EXOC4: variants seen among roughly 807,000 people sequenced by gnomAD.
The protein encoded by EXOC4 is exocyst complex component 4.
In EXOC4, 71 loss-of-function variants were observed where a neutral mutation model predicts 107.2. The observed-to-expected ratio is 0.66, with a 90% confidence interval of 0.55 to 0.81. The LOEUF is 0.81. Ranked by LOEUF, EXOC4 falls within the 30% of genes least tolerant of loss-of-function variation. EXOC4 has a pLI of 0.00. For synonymous variants in EXOC4, 456 were observed against 441.2 expected (o/e 1.03, Z -0.42); for missense variants, 1,108 against 1,189.6 (o/e 0.93, Z 1.01).
chr7:133,849,050 C>T (rs574832088), intron 11 of EXOC4, among the ~76,000 whole-genome samples: 1 of 152,148 alleles, frequency 6.6e-6, no homozygotes, highest in African/African-American at 2.4e-5. Context: ...TAACCTGAAG[C>T]CTTGAGACTC....
rs1030733285 is a variant in EXOC4, at chr7:133,330,290, C to T, written c.763+12900C>T. ...CCTCCCCCCACCAAGCTCAAGTGTC[C>T]CAGGTCAATCTCAGACTGCTGCTAT... On this transcript the variant is annotated intron_variant, in intron 5 of 17. Transcript: ENST00000253861. Among the ~76,000 whole-genome samples the T allele has an allele frequency of 4.5e-4, 69 of 152,052 alleles. 1 individual carries two copies. The highest frequency in any genetic ancestry group is 5.7e-4 in the Non-Finnish European group (39 of 68,004).
At chr7:133,906,135 A>G (rs1799560358) in intron 12 of EXOC4, among the ~76,000 whole-genome samples, 1 of 152,174 alleles carries the variant, frequency 6.6e-6, no homozygotes, top group South Asian at 2.1e-4. Context: ...GTGGTGTTTT[A>G]TGATCTCACT....
At chr7:133,919,612 G>A (rs1355007930) in intron 13 of EXOC4, among the ~76,000 whole-genome samples, 1 of 152,116 alleles carries the variant, frequency 6.6e-6, no homozygotes, top group Non-Finnish European at 1.5e-5. Flanking sequence ...TTTGCAGAAT[G>A]TTATATACTT....
Position 133,355,350 on chromosome 7 carries a change from A to G in EXOC4, c.764-980A>G, listed in dbSNP as rs557291634. 4.6e-5 allele frequency among the ~76,000 whole-genome samples: 7 copies of G among 152,220 alleles called. No individual in the cohort carries two copies. In the East Asian group the frequency reaches 5.8e-4, roughly 13 times the overall value. On this transcript the variant is annotated intron_variant, in intron 5 of 17. Coordinates refer to ENST00000253861, the MANE Select transcript of EXOC4 (RefSeq NM_021807.4). ...GCTCTGTACTCACTTTTGCTTTTGT[A>G]TATCTTAATCCAGCCATTTGTAAAA... is the stretch of plus-strand genomic sequence containing the variant.
At chr7:133,483,312 G>A (rs532772802) in intron 9 of EXOC4, among the ~76,000 whole-genome samples, 89 of 152,296 alleles carry the variant, frequency 5.8e-4, no homozygotes, top group Middle Eastern at 3.4e-3. Context: ...TGAAGGCAAA[G>A]TAGAGGGTAT....
chr7:133,859,557 G>A (rs540375211), intron 11 of EXOC4, among the ~76,000 whole-genome samples: 8 of 152,158 alleles, frequency 5.3e-5, no homozygotes, highest in African/African-American at 1.9e-4. Context: ...GTTTATTCAC[G>A]GAATAGTGGT....
intron 7 of EXOC4, among the ~76,000 whole-genome samples, chr7:133,456,889 T>G (rs1020681915): frequency 6.6e-6 from 1 of 152,124 alleles, no homozygotes; most frequent in Non-Finnish European, 1.5e-5. Flanking sequence ...AGATAACACT[T>G]CAGGATAATT....
chr7:133,671,730 T>C (rs1406907935), intron 10 of EXOC4, among the ~76,000 whole-genome samples: 1 of 152,024 alleles, frequency 6.6e-6, no homozygotes, highest in Non-Finnish European at 1.5e-5. Context: ...GGATGAAGTG[T>C]GAAGATTTGC....
chr7:134,040,495 G>A (rs185991865), intron 17 of EXOC4, among the ~76,000 whole-genome samples: 12 of 152,168 alleles, frequency 7.9e-5, no homozygotes, highest in African/African-American at 2.9e-4. Flanking sequence ...GACTGCTCCA[G>A]TTGACCCTCA....
intron 9 of EXOC4, among the ~76,000 whole-genome samples, chr7:133,594,454 A>G (rs1585020109): frequency 7.2e-6 from 1 of 138,832 alleles, no homozygotes; most frequent in African/African-American, 2.6e-5. Context: ...TACATTTGTT[A>G]TGGAGAGTTG....
At chr7:133,361,043 C>T (rs1275147718) in intron 6 of EXOC4, among the ~76,000 whole-genome samples, 2 of 152,120 alleles carry the variant, frequency 1.3e-5, no homozygotes, top group Non-Finnish European at 2.9e-5. Context: ...TAGCACAGTG[C>T]CCACCTGACC....
chr7:133,388,426 G>C (rs1011058462), intron 7 of EXOC4, among the ~76,000 whole-genome samples: 18 of 152,284 alleles, frequency 1.2e-4, no homozygotes, highest in African/African-American at 4.3e-4. Context: ...GGGGTGGGCA[G>C]ATCACTTGAG....
chr7:133,395,018 A>C (rs1174663786), intron 7 of EXOC4, among the ~76,000 whole-genome samples: 1 of 151,944 alleles, frequency 6.6e-6, no homozygotes, highest in East Asian at 1.9e-4. Flanking sequence ...CAATTTGAAG[A>C]TCACCAGGTA....
chr7:133,353,046 A>T (rs2633389), intron 5 of EXOC4, among the ~76,000 whole-genome samples: 101,212 of 151,988 alleles, frequency 0.67, 35,614 homozygotes, highest in East Asian at 0.85. Context: ...TAAATGATGT[A>T]AAAAACAAAA....
intron 11 of EXOC4, among the ~76,000 whole-genome samples, chr7:133,872,682 T>C (rs780150044): frequency 1.4e-4 from 21 of 152,236 alleles, no homozygotes; most frequent in Non-Finnish European, 2.1e-4. Flanking sequence ...GTGAGCTCTA[T>C]TGTTTTCAGT....
chr7:133,726,637 C>T (rs1012585723), intron 10 of EXOC4, among the ~76,000 whole-genome samples: 2 of 152,172 alleles, frequency 1.3e-5, no homozygotes, highest in African/African-American at 2.4e-5. Context: ...GTGTGAAATG[C>T]CATTCTGTCC....
chr7:134,003,514 T>G (rs960099402), intron 15 of EXOC4, among the ~76,000 whole-genome samples: 1 of 152,174 alleles, frequency 6.6e-6, no homozygotes, highest in Non-Finnish European at 1.5e-5. Flanking sequence ...TTAGAGATAA[T>G]AATGCCCAAG....
chr7:133,864,207 G>T (rs144999153), intron 11 of EXOC4, among the ~76,000 whole-genome samples: 118 of 152,284 alleles, frequency 7.7e-4, no homozygotes, highest in African/African-American at 2.8e-3. Flanking sequence ...GGAAATTGAT[G>T]TTAATGAATG....
chr7:133,819,854 A>AC (rs34678688), intron 11 of EXOC4, among the ~76,000 whole-genome samples: 94,589 of 151,970 alleles, frequency 0.62, 31,982 homozygotes, highest in African/African-American at 0.9. Context: ...ATGCATTAAA[A>AC]TCATAACTCA....
Sources: gnomAD v4.1 joint callset for allele counts (sites outside exome capture counted in the v4.1 genomes callset) on GRCh38, gnomAD v4.1.1 for gene constraint, MANE v1.5 for transcripts, NCBI Gene and HGNC (gene_info 2026-07-23, HGNC 2026-07-21) for gene names.